SLC6A17: variants seen among roughly 807,000 people sequenced by gnomAD.
SLC6A17 encodes solute carrier family 6 member 17, also known as sodium-dependent neutral amino acid transporter SLC6A17.
A neutral mutation model predicts 64.5 loss-of-function variants in SLC6A17; 21 were observed. The observed-to-expected ratio is 0.33, with a 90% CI of 0.23 to 0.47. The LOEUF is 0.47. Ranked by LOEUF, SLC6A17 falls within the 20% of genes least tolerant of loss-of-function variation. The probability of loss-of-function intolerance (pLI) is 1.00; values close to 1 mark genes in which losing one functional copy is unlikely to be tolerated. For missense variants in SLC6A17, 682 were observed against 963.2 expected, an observed-to-expected ratio of 0.71 and a Z score of 3.86; for synonymous variants, 372 against 399.5, an observed-to-expected ratio of 0.93 and a Z score of 0.82.
intron 6 of SLC6A17, among the ~76,000 whole-genome samples, chr1:110,185,494 A>C (rs1409442555): frequency 6.6e-6 from 1 of 152,228 alleles, no homozygotes; most frequent in African/African-American, 2.4e-5. Flanking sequence ...CAAAAGCATC[A>C]TCATGCCCAC....
chr1:110,192,768 G>A lies in SLC6A17; in HGVS notation c.1299+70G>A. 6.6e-7 allele frequency: 1 copy of A among 1,512,010 alleles called. No homozygotes were observed. Among genetic ancestry groups the A allele is most frequent in the South Asian group, 1.3e-5 (1 of 77,172 alleles). 93.7% of individuals were successfully genotyped at this position (1,512,010 alleles called of 1,614,324 possible). On this transcript the variant is annotated intron_variant, in intron 8 of 11. Coordinates refer to ENST00000331565, the MANE Select transcript of SLC6A17 (RefSeq NM_001010898.4). This position sits in a 1 kb window ranked among gnomAD's most constrained non-coding sequence, Gnocchi z 4.3. ...GAGCAGCTGTGGCCGGCGGGAGCTT[G>A]GGCTCAGGCCTCAGGATGCTGACAG... is the stretch of plus-strand genomic sequence containing the variant.
At chr1:110,183,508 G>A (rs905170681) in intron 6 of SLC6A17, among the ~76,000 whole-genome samples, 3 of 152,096 alleles carry the variant, frequency 2.0e-5, no homozygotes, top group African/African-American at 7.2e-5. Flanking sequence ...ATGTGTTTGG[G>A]TTTTCTTTTT....
intron 8 of SLC6A17, among the ~76,000 whole-genome samples, chr1:110,194,371 T>G (rs1192777448): frequency 1.3e-5 from 2 of 152,168 alleles, no homozygotes; most frequent in African/African-American, 4.8e-5. Context: ...AACTCCCAAG[T>G]TGGTGTTTTT....
In SLC6A17 at chr1:110,172,152, G is replaced by A. The variant is rs752449076; in HGVS notation, c.379G>A (p.Gly127Ser). ...ELAVGQRIRR[G>S]SIGVWHYICP... is the part of the protein sequence containing the mutation. ...GGCTGTGGGTCAGAGGATCCGCCGC[G>A]GCAGCATCGGTGTGTGGCACTATAT... is the stretch of plus-strand genomic sequence containing the variant. The change falls in exon 3 of 12, where the codon GGC (glycine) becomes AGC (serine). Residue 127 changes from glycine (G) to serine (S), a missense_variant. Gly to Ser is a moderately conservative substitution (Grantham distance 56). Transcript: ENST00000331565. The A allele has an allele frequency of 2.0e-5, 33 of 1,613,016 alleles. No individual in the cohort carries two copies. The highest frequency in any genetic ancestry group is 1.6e-4 in the East Asian group (7 of 44,834).
intron 10 of SLC6A17, 54 bp from the exon 11 acceptor site, chr1:110,197,383 A>G: frequency 6.4e-7 from 1 of 1,562,948 alleles, no homozygotes; most frequent in South Asian, 1.2e-5. Flanking sequence ...ATGGGGGAAG[A>G]GGGAGGTGTG....
rs1388510486 is a variant in SLC6A17, at chr1:110,201,674, C to G, written c.*3230C>G. 2.0e-5 allele frequency: 3 copies of G among 152,398 alleles called. No homozygotes were observed. The highest frequency in any genetic ancestry group is 4.4e-5 in the Non-Finnish European group (3 of 68,236). 9.4% of individuals were successfully genotyped at this position (152,398 alleles called of 1,614,324 possible). A position where few individuals can be genotyped will look rare whatever the true frequency, so the allele number is the denominator to read the frequency against. On this transcript the variant is annotated 3_prime_UTR_variant, in exon 12 of 12. Coordinates refer to ENST00000331565, the MANE Select transcript of SLC6A17 (RefSeq NM_001010898.4). The stretch of plus-strand genomic sequence containing the variant: ...TGCTGCTTTCCCAGTGCCAGGAGAA[C>G]CCCCGCTCCGAGTCAGCCTGTGTGG...
At position 110,194,765 on chromosome 1, in the gene SLC6A17, T is replaced by C. The variant is rs756020156; in HGVS notation, c.1486T>C (p.Phe496Leu). Residue 496 changes from phenylalanine (F) to leucine (L), a missense_variant, in exon 9 of 12, where the codon TTC (phenylalanine) becomes CTC (leucine). By Grantham distance (22) the Phe-to-Leu change is conservative. Around this residue, in one of 3 missense-constraint regions of SLC6A17, gnomAD observed 264 missense variants for 339.5 expected, o/e 0.78. Coordinates refer to ENST00000331565, the MANE Select transcript of SLC6A17 (RefSeq NM_001010898.4). ...IDTFKVPKEM[F>L]TVGCCVFAFL... ...CACCTTCAAGGTGCCCAAGGAGATG[T>C]TCACAGGTAACTCCTCCCTGCCCCC... The C allele has an allele frequency of 3.7e-6, 6 of 1,613,032 alleles. No homozygotes were observed. The highest frequency in any genetic ancestry group is 1.6e-4 in the Middle Eastern group (1 of 6,084).
At position 110,150,607 on chromosome 1, in the gene SLC6A17, A is replaced by G. The variant is rs576380419; in HGVS notation, c.-364A>G. 6.6e-5 allele frequency: 10 copies of G among 152,374 alleles called. No individual in the cohort carries two copies. The South Asian group carries it at 8.3e-4, about 13-fold the overall frequency. 9.4% of individuals were successfully genotyped at this position (152,374 alleles called of 1,614,324 possible). A position where few individuals can be genotyped will look rare whatever the true frequency, so the allele number is the denominator to read the frequency against. ...GCGGCACTCGGCCCCAGTCTTCGCAATCCCGCGCGCTCTCTCCGCCGTGGG... is the reference window on the plus strand; with the variant it reads ...GCGGCACTCGGCCCCAGTCTTCGCAGTCCCGCGCGCTCTCTCCGCCGTGGG... On this transcript the variant is annotated 5_prime_UTR_variant, in exon 1 of 12. Transcript: ENST00000331565.
intron 11 of SLC6A17, 66 bp downstream of exon 11, chr1:110,197,665 A>T (rs915061303): frequency 1.1e-5 from 17 of 1,488,484 alleles, no homozygotes; most frequent in Non-Finnish European, 1.4e-5. Context: ...GCAACCACTG[A>T]TAGGGATACA....
intron 1 of SLC6A17, 22 bp from the exon 2 acceptor site, chr1:110,166,821 T>G: frequency 1.4e-6 from 2 of 1,400,256 alleles, no homozygotes; most frequent in South Asian, 3.0e-5. Flanking sequence ...GATAATCCTT[T>G]ACTGCTCACC....
At chr1:110,183,541 A>G (rs1656586782) in intron 6 of SLC6A17, among the ~76,000 whole-genome samples, 1 of 152,228 alleles carries the variant, frequency 6.6e-6, no homozygotes, top group African/African-American at 2.4e-5. Flanking sequence ...AGGTTTTAAA[A>G]TTGAGTGTGG....
rs1033390427 is a variant in SLC6A17 at position 110,200,365 on chromosome 1, C to T, written c.*1921C>T. 6.0e-5 allele frequency: 21 copies of T among 351,670 alleles called. No individual in the cohort carries two copies. Among genetic ancestry groups the T allele is most frequent in the African/African-American group, 2.5e-4 (12 of 47,700 alleles). The allele number at this position is 351,670 out of a possible 1,614,324, so 21.8% of individuals were successfully genotyped here. A position where few individuals can be genotyped will look rare whatever the true frequency, so the allele number is the denominator to read the frequency against. On this transcript the variant is annotated 3_prime_UTR_variant, in exon 12 of 12. Coordinates refer to ENST00000331565, the MANE Select transcript of SLC6A17 (RefSeq NM_001010898.4). Reference sequence around the variant, plus strand: ...GAGCTTTTGGGGCACAACATCCCACCGCAGTCCCCCTCACCCGACAACACC... The same window carrying T: ...GAGCTTTTGGGGCACAACATCCCACTGCAGTCCCCCTCACCCGACAACACC...
intron 5 of SLC6A17, among the ~76,000 whole-genome samples, chr1:110,176,157 A>G (rs1656367604): frequency 6.6e-6 from 1 of 152,160 alleles, no homozygotes; most frequent in African/African-American, 2.4e-5. Context: ...AGAAGAGCAC[A>G]CGATTCATCC....
intron 6 of SLC6A17, among the ~76,000 whole-genome samples, chr1:110,187,200 TAATCAGGCAGAACAATTC>T (rs1656708365): frequency 1.3e-5 from 1 of 79,498 alleles, no homozygotes; most frequent in South Asian, 4.4e-4. Flanking sequence ...AACAATTCGC[TAATCAGGCAGAACAATTC>T]GCTAATCAGG....
chr1:110,155,134 C>T (rs1655722778), intron 1 of SLC6A17, among the ~76,000 whole-genome samples: 1 of 152,102 alleles, frequency 6.6e-6, no homozygotes, highest in Non-Finnish European at 1.5e-5. Context: ...TGGGGAAGTT[C>T]CTGAAGGTGG....
rs72692317 is a variant in SLC6A17, at chr1:110,174,348, C to T, written c.571+249C>T. Among the ~76,000 whole-genome samples, 755 of 152,292 alleles carry T rather than the reference C, an allele frequency of 5.0e-3. 6 individuals are homozygous for T. Among genetic ancestry groups the T allele is most frequent in the Non-Finnish European group, 7.3e-3 (499 of 68,018 alleles). On this transcript the variant is annotated intron_variant, in intron 4 of 11. Transcript: ENST00000331565. ...GCGTGACTTTAACTGTTATTACTCACCCTGTTATTCCACTTCACAGATGAG... is the reference window on the plus strand; with the variant it reads ...GCGTGACTTTAACTGTTATTACTCATCCTGTTATTCCACTTCACAGATGAG...
At chr1:110,185,162 T>A (rs1447634520) in intron 6 of SLC6A17, among the ~76,000 whole-genome samples, 1 of 152,222 alleles carries the variant, frequency 6.6e-6, no homozygotes, top group South Asian at 2.1e-4. Context: ...GTTGGGCAAG[T>A]TCCTTTGCCC....
intron 10 of SLC6A17, among the ~76,000 whole-genome samples, chr1:110,197,114 T>C (rs1656989974): frequency 6.6e-6 from 1 of 152,148 alleles, no homozygotes; most frequent in Non-Finnish European, 1.5e-5. Flanking sequence ...GCCAGGCCAG[T>C]GTGAAAGGGC....
intron 1 of SLC6A17, among the ~76,000 whole-genome samples, chr1:110,163,009 C>T (rs1012955639): frequency 7.3e-6 from 1 of 137,912 alleles, no homozygotes; most frequent in Non-Finnish European, 1.6e-5. Context: ...GATCACCAAC[C>T]CATGTTGGTA....
Sources: gnomAD v4.1 joint callset for allele counts (sites outside exome capture counted in the v4.1 genomes callset) on GRCh38, gnomAD v4.1.1 for gene constraint, gnomAD v4.1.1 regional missense constraint, Gnocchi (gnomAD v3.1) non-coding constraint, MANE v1.5 for transcripts, NCBI Gene and HGNC (gene_info 2026-07-23, HGNC 2026-07-21) for gene names.